The following TENM3 variants were observed in gnomAD, a reference collection of about 807,000 sequenced individuals.
TENM3 encodes teneurin transmembrane protein 3.
In TENM3, 63 loss-of-function variants were observed where a neutral mutation model predicts 255.1. That is an observed-to-expected ratio of 0.25 (90% confidence interval 0.20 to 0.30). The LOEUF (loss-of-function observed/expected upper bound fraction) is 0.30. TENM3 is among the 10% of genes least tolerant of loss of function. The pLI is 1.00. For missense variants in TENM3, 2,929 were observed against 3,461.1 expected (o/e 0.85, Z 3.86); for synonymous variants, 1,306 against 1,322.3 (o/e 0.99, Z 0.27).
chr4:182,531,835 C>T (rs1429131390), intron 3 of TENM3, among the ~76,000 whole-genome samples: 2 of 152,194 alleles, frequency 1.3e-5, no homozygotes, highest in African/African-American at 4.8e-5. Context: ...AGAAGGAAAG[C>T]GGATTCAGCA....
intron 1 of TENM3, among the ~76,000 whole-genome samples, chr4:182,195,165 C>T (rs1192387720): frequency 1.3e-5 from 2 of 152,012 alleles, no homozygotes; most frequent in Non-Finnish European, 1.5e-5. Context: ...CATGAGCAAC[C>T]TATAATGGAT....
chr4:182,131,765 A>C, the TENM3 span, among the ~76,000 whole-genome samples: 2 of 152,228 alleles, frequency 1.3e-5, no homozygotes, highest in Non-Finnish European at 2.9e-5. Flanking sequence ...TTGATTAGAC[A>C]GGTTCATTAT....
the TENM3 span, among the ~76,000 whole-genome samples, chr4:181,664,825 T>G: frequency 6.6e-6 from 1 of 152,216 alleles, no homozygotes; most frequent in Non-Finnish European, 1.5e-5. Context: ...TCTGCCCTCA[T>G]GCTCTCCTGG....
At chr4:182,438,732 A>G (rs1772231280) in intron 3 of TENM3, among the ~76,000 whole-genome samples, 1 of 152,114 alleles carries the variant, frequency 6.6e-6, no homozygotes, top group South Asian at 2.1e-4. Flanking sequence ...GCTATCTTAG[A>G]CTCTGTAGTT....
chr4:181,591,908 A>G, the TENM3 span, among the ~76,000 whole-genome samples: 1 of 152,030 alleles, frequency 6.6e-6, no homozygotes, highest in African/African-American at 2.4e-5. Context: ...ATTGAAACCC[A>G]CAACAACGTG....
chr4:182,754,506 G>A lies in TENM3; in HGVS notation c.4139G>A (p.Arg1380Gln), dbSNP rs200066111. ...ENRQVRIAAG[R>Q]PMHCQVPGVE... ...CGTCAAGTTCGCATTGCTGCTGGACGGCCCATGCACTGTCAGGTTCCCGGA... is the reference window on the plus strand; with the variant it reads ...CGTCAAGTTCGCATTGCTGCTGGACAGCCCATGCACTGTCAGGTTCCCGGA... Residue 1380 changes from arginine (R) to glutamine (Q), a missense_variant, in exon 22 of 28, where the codon CGG (arginine) becomes CAG (glutamine). Physicochemically the swap from Arg to Gln is conservative, Grantham distance 43 (BLOSUM62 1). Coordinates refer to ENST00000511685, the MANE Select transcript of TENM3 (RefSeq NM_001080477.4). This position sits in a 1 kb window ranked among gnomAD's most constrained non-coding sequence, Gnocchi z 5.1. 114 of 1,613,716 alleles carry A rather than the reference G, an allele frequency of 7.1e-5. No individual in the cohort carries two copies. Among genetic ancestry groups the A allele is most frequent in the Non-Finnish European group, 7.4e-5 (87 of 1,179,842 alleles).
chr4:182,143,346 T>C (rs2149540460), upstream of TENM3: 2 of 166,908 alleles, frequency 1.2e-5, no homozygotes, highest in South Asian at 2.1e-4. The surrounding 1 kb of genome is among the most constrained non-coding windows in gnomAD (Gnocchi z 4.3). Flanking sequence ...TGTCCAAAGG[T>C]CATTTGCGCT....
intron 1 of TENM3, among the ~76,000 whole-genome samples, chr4:182,244,351 G>C (rs1258310362): frequency 6.6e-6 from 1 of 152,136 alleles, no homozygotes; most frequent in Admixed American, 6.5e-5. Flanking sequence ...GCTGTGAGCT[G>C]ATTTAGTGTT....
At chr4:182,466,323 CT>C (rs1452398497) in intron 3 of TENM3, among the ~76,000 whole-genome samples, 1 of 152,164 alleles carries the variant, frequency 6.6e-6, no homozygotes, top group Non-Finnish European at 1.5e-5. Flanking sequence ...GAATCCTCCC[CT>C]GCTTTTTCCA....
chr4:182,783,545 C>G (rs1456883361), intron 24 of TENM3, among the ~76,000 whole-genome samples: 2 of 150,816 alleles, frequency 1.3e-5, no homozygotes, highest in African/African-American at 4.9e-5. Context: ...TGGAGTTGCT[C>G]TTCTCGAGGA....
At chr4:181,584,141 A>G in the TENM3 span, among the ~76,000 whole-genome samples, 1 of 152,230 alleles carries the variant, frequency 6.6e-6, no homozygotes, top group Non-Finnish European at 1.5e-5. Flanking sequence ...TGGAAGAATT[A>G]AAAGCAATAT....
the TENM3 span, among the ~76,000 whole-genome samples, chr4:181,533,978 C>A: frequency 6.6e-6 from 1 of 152,168 alleles, no homozygotes; most frequent in African/African-American, 2.4e-5. Flanking sequence ...GCAATTGGAT[C>A]TCAGTGAATC....
intron 3 of TENM3, among the ~76,000 whole-genome samples, chr4:182,440,302 C>CG (rs1423316618): frequency 2.6e-5 from 4 of 151,918 alleles, no homozygotes; most frequent in African/African-American, 9.6e-5. Flanking sequence ...TTAGTAGAGA[C>CG]GGGGTGTCAC....
At chr4:181,696,229 A>G in the TENM3 span, among the ~76,000 whole-genome samples, 1 of 152,150 alleles carries the variant, frequency 6.6e-6, no homozygotes, top group South Asian at 2.1e-4. Context: ...TATAATAGAA[A>G]TCTTGTAATG....
the TENM3 span, among the ~76,000 whole-genome samples, chr4:181,742,252 C>A: frequency 6.6e-6 from 1 of 152,012 alleles, no homozygotes; most frequent in African/African-American, 2.4e-5. Flanking sequence ...TGTTATAATT[C>A]TGACTTCTGA....
chr4:182,639,244 A>G (rs1752094425), intron 5 of TENM3, among the ~76,000 whole-genome samples: 1 of 152,212 alleles, frequency 6.6e-6, no homozygotes, highest in Admixed American at 6.5e-5. Flanking sequence ...TAGACTCTCA[A>G]AGCAGCCAGA....
the TENM3 span, among the ~76,000 whole-genome samples, chr4:181,736,978 C>T: frequency 6.6e-6 from 1 of 151,994 alleles, no homozygotes; most frequent in South Asian, 2.1e-4. Context: ...AGTCTTGGAC[C>T]AAGTCGAGTA....
the TENM3 span, among the ~76,000 whole-genome samples, chr4:181,646,258 GC>G: frequency 2.0e-5 from 3 of 152,014 alleles, no homozygotes; most frequent in African/African-American, 7.3e-5. Flanking sequence ...TCTTATTTTT[GC>G]CATTATTAGG....
At chr4:181,611,931 C>T in the TENM3 span, among the ~76,000 whole-genome samples, 1 of 152,198 alleles carries the variant, frequency 6.6e-6, no homozygotes, top group South Asian at 2.1e-4. Flanking sequence ...TGGCATTTTG[C>T]CATCAGATCC....
Sources: allele counts gnomAD v4.1 joint callset (sites outside exome capture counted in the v4.1 genomes callset), GRCh38; gene constraint gnomAD v4.1.1; non-coding constraint Gnocchi (gnomAD v3.1); transcripts MANE v1.5; gene names NCBI Gene and HGNC (gene_info 2026-07-23, HGNC 2026-07-21).